The following ARHGAP15 variants were observed in gnomAD, a reference collection of about 807,000 sequenced individuals.
ARHGAP15 encodes Rho GTPase activating protein 15.
ARHGAP15 carries 51 observed loss-of-function variants against 63.7 expected under a neutral mutation model. That is an observed-to-expected ratio of 0.80 (90% CI 0.64 to 1.01). The LOEUF (loss-of-function observed/expected upper bound fraction) is 1.01. Ranked by LOEUF, ARHGAP15 falls within the 50% of genes least tolerant of loss-of-function variation. The pLI, the probability that ARHGAP15 is intolerant of heterozygous loss-of-function variation, is 0.00. For synonymous variants in ARHGAP15, 191 were observed against 193.8 expected, an observed-to-expected ratio of 0.99 and a Z score of 0.12; for missense variants, 560 against 564.6, an observed-to-expected ratio of 0.99 and a Z score of 0.08.
chr2:143,316,188 C>T (rs1040154712), intron 6 of ARHGAP15, among the ~76,000 whole-genome samples: 6 of 152,120 alleles, frequency 3.9e-5, no homozygotes, highest in Admixed American at 6.5e-5. Context: ...ATCAGACTTT[C>T]CTCCTAGTTT....
intron 5 of ARHGAP15, among the ~76,000 whole-genome samples, chr2:143,230,267 T>C (rs1483827898): frequency 6.6e-6 from 1 of 152,182 alleles, no homozygotes; most frequent in East Asian, 1.9e-4. Flanking sequence ...ATGGGAGAGA[T>C]AAGATTCCAT....
intron 12 of ARHGAP15, among the ~76,000 whole-genome samples, chr2:143,644,522 G>T (rs1680772885): frequency 6.6e-6 from 1 of 152,042 alleles, no homozygotes; most frequent in Non-Finnish European, 1.5e-5. Flanking sequence ...ATCTTCTTCA[G>T]TTCAAAGCAC....
intron 6 of ARHGAP15, among the ~76,000 whole-genome samples, chr2:143,264,742 A>C (rs1295107002): frequency 6.6e-6 from 1 of 152,178 alleles, no homozygotes; most frequent in Non-Finnish European, 1.5e-5. Context: ...TACAAGTAAT[A>C]TGTCTACAAA....
chr2:143,627,880 T>G (rs1048279423), intron 12 of ARHGAP15, among the ~76,000 whole-genome samples: 1 of 152,130 alleles, frequency 6.6e-6, no homozygotes, highest in African/African-American at 2.4e-5. Flanking sequence ...GTTTGTTACC[T>G]GGGTATACTG....
intron 12 of ARHGAP15, among the ~76,000 whole-genome samples, chr2:143,629,298 A>G (rs1698970247): frequency 6.6e-6 from 1 of 152,100 alleles, no homozygotes; most frequent in African/African-American, 2.4e-5. Flanking sequence ...TTTATATCTC[A>G]GAATCCAAGT....
intron 13 of ARHGAP15, among the ~76,000 whole-genome samples, chr2:143,717,755 C>T (rs911634530): frequency 1.3e-5 from 2 of 152,236 alleles, no homozygotes; most frequent in South Asian, 4.1e-4. Flanking sequence ...AAAAGAGCAT[C>T]ACGGGGCTGG....
intron 13 of ARHGAP15, among the ~76,000 whole-genome samples, chr2:143,717,993 G>A (rs951972315): frequency 2.6e-5 from 4 of 152,080 alleles, no homozygotes; most frequent in Non-Finnish European, 4.4e-5. Context: ...TGACAAGTCC[G>A]GCAGCAGTAC....
At chr2:143,147,734 GA>G (rs1689646700) in intron 1 of ARHGAP15, among the ~76,000 whole-genome samples, 1 of 151,914 alleles carries the variant, frequency 6.6e-6, no homozygotes, top group South Asian at 2.1e-4. Flanking sequence ...TTGTTGACCA[GA>G]AGCATTGAAC....
At chr2:143,563,846 A>G (rs1696119860) in intron 11 of ARHGAP15, 1 of 152,256 alleles carries the variant, frequency 6.6e-6, no homozygotes, top group South Asian at 2.1e-4. Flanking sequence ...TTGACTGCAT[A>G]TCAGAATTGT....
Position 143,530,336 on chromosome 2 carries a change from G to A in ARHGAP15, c.925+10972G>A, listed in dbSNP as rs147598611. On this transcript the variant is annotated intron_variant, in intron 10 of 13. Coordinates refer to ENST00000295095, the MANE Select transcript of ARHGAP15 (RefSeq NM_018460.4). ...GTAATAATCTTGAATAGGATAGGAC[G>A]GAAATAGGGCAATGACCTTTGTGTC... is the stretch of plus-strand genomic sequence containing the variant. Among the ~76,000 whole-genome samples the A allele has an allele frequency of 4.9e-4, 74 of 152,126 alleles. 1 individual carries two copies. The highest frequency in any genetic ancestry group is 3.9e-4 in the Admixed American group (6 of 15,260).
chr2:143,592,792 A>G (rs754957219), intron 11 of ARHGAP15, among the ~76,000 whole-genome samples: 9 of 152,266 alleles, frequency 5.9e-5, no homozygotes, highest in Non-Finnish European at 1.0e-4. Context: ...TGTAGCCAAT[A>G]TGAACCAGAA....
At chr2:143,254,309 T>C (rs1680310108) in intron 6 of ARHGAP15, among the ~76,000 whole-genome samples, 1 of 152,062 alleles carries the variant, frequency 6.6e-6, no homozygotes, top group African/African-American at 2.4e-5. Context: ...CAAGCGGGGC[T>C]ACTGTCACCT....
At chr2:143,718,233 T>A (rs1301956010) in intron 13 of ARHGAP15, among the ~76,000 whole-genome samples, 1 of 152,220 alleles carries the variant, frequency 6.6e-6, no homozygotes, top group Non-Finnish European at 1.5e-5. Flanking sequence ...TAATATTTTG[T>A]CTGTAGCTAG....
intron 8 of ARHGAP15, among the ~76,000 whole-genome samples, chr2:143,439,087 G>C (rs1408146398): frequency 7.9e-5 from 12 of 151,998 alleles, no homozygotes. Flanking sequence ...AATTGGAAAA[G>C]ACAATTATTT....
At chr2:143,636,904 T>C (rs1266044319) in intron 12 of ARHGAP15, among the ~76,000 whole-genome samples, 1 of 152,134 alleles carries the variant, frequency 6.6e-6, no homozygotes, top group Non-Finnish European at 1.5e-5. Flanking sequence ...AAGTCCAAGA[T>C]GAGGGCACCA....
intron 13 of ARHGAP15, among the ~76,000 whole-genome samples, chr2:143,755,573 A>G (rs1559162477): frequency 6.6e-6 from 1 of 152,054 alleles, no homozygotes; most frequent in Non-Finnish European, 1.5e-5. Flanking sequence ...CCCCCTGCTA[A>G]CCAAACACCT....
At chr2:143,380,349 G>T (rs550007745) in intron 6 of ARHGAP15, among the ~76,000 whole-genome samples, 1 of 152,158 alleles carries the variant, frequency 6.6e-6, no homozygotes, top group East Asian at 1.9e-4. Flanking sequence ...TGGGTGCTTT[G>T]CATGCATTGT....
At chr2:143,303,828 A>G (rs1261085609) in intron 6 of ARHGAP15, among the ~76,000 whole-genome samples, 2 of 152,224 alleles carry the variant, frequency 1.3e-5, no homozygotes, top group African/African-American at 4.8e-5. Flanking sequence ...GAAGACATTT[A>G]TGCAGCCAAC....
intron 1 of ARHGAP15, among the ~76,000 whole-genome samples, chr2:143,149,902 C>T (rs1458163328): frequency 1.3e-5 from 2 of 152,026 alleles, no homozygotes; most frequent in Non-Finnish European, 2.9e-5. Context: ...AATGATTAAA[C>T]AGAAAGACTT....
Sources: gnomAD v4.1 joint callset for allele counts (sites outside exome capture counted in the v4.1 genomes callset) on GRCh38, gnomAD v4.1.1 for gene constraint, MANE v1.5 for transcripts, NCBI Gene and HGNC (gene_info 2026-07-23, HGNC 2026-07-21) for gene names.